KCNQ5: variants seen among roughly 807,000 people sequenced by gnomAD.
KCNQ5 encodes potassium voltage-gated channel subfamily KQT member 5.
Under a neutral mutation model 98.2 loss-of-function variants are expected in KCNQ5, and 30 were observed. That is an observed-to-expected ratio of 0.31 (90% CI 0.23 to 0.41). The LOEUF is 0.41. Ranked by LOEUF, KCNQ5 falls within the 10% of genes least tolerant of loss-of-function variation. The pLI is 1.00. For missense variants in KCNQ5, 835 were observed against 1,182.5 expected, an observed-to-expected ratio of 0.71 and a Z score of 4.31; for synonymous variants, 458 against 449.4, an observed-to-expected ratio of 1.02 and a Z score of -0.24.
chr6:73,082,848 T>C (rs1431420176), intron 5 of KCNQ5, among the ~76,000 whole-genome samples: 1 of 152,052 alleles, frequency 6.6e-6, no homozygotes, highest in Non-Finnish European at 1.5e-5. Context: ...TGAACATTGT[T>C]TGAATGCTTG....
In KCNQ5 at chr6:73,182,003, G is replaced by A. The variant is rs572835080; in HGVS notation, c.1578-8570G>A. On this transcript the variant is annotated intron_variant, in intron 11 of 13. Coordinates refer to ENST00000370398, the MANE Select transcript of KCNQ5 (RefSeq NM_019842.4). ...TTGCCCAGAAATTCCTTTCTAGTAG[G>A]AAATACACAAGTCATATCAAACTTC... 2.6e-5 allele frequency among the ~76,000 whole-genome samples: 4 copies of A among 152,220 alleles called. No individual in the cohort carries two copies. In the South Asian group the frequency reaches 8.3e-4, roughly 32 times the overall value.
chr6:73,195,280 G>C lies in KCNQ5; in HGVS notation c.2665G>C (p.Ala889Pro). 2 of 1,614,170 alleles carry C rather than the reference G, an allele frequency of 1.2e-6. No homozygotes were observed. The highest frequency in any genetic ancestry group is 1.7e-6 in the Non-Finnish European group (2 of 1,180,036). The change falls in exon 14 of 14, where the codon GCA (alanine) becomes CCA (proline). Residue 889 changes from alanine to proline, a missense_variant. Physicochemically the swap from Ala to Pro is conservative, Grantham distance 27 (BLOSUM62 -1). Transcript: ENST00000370398. Reference protein sequence around the residue: ...EETETDTFDAAPQPAREAAFA... With the variant: ...EETETDTFDAPPQPAREAAFA... ...GACAGAGACAGACACTTTTGATGCC[G>C]CACCGCAGCCTGCCAGGGAAGCTGC...
intron 1 of KCNQ5, among the ~76,000 whole-genome samples, chr6:72,841,726 C>T (rs563621164): frequency 2.0e-4 from 31 of 151,946 alleles, no homozygotes; most frequent in Admixed American, 4.6e-4. Flanking sequence ...TGAAAATGTT[C>T]TTTCTCTCAT....
chr6:72,980,600 A>G (rs1582130520), intron 1 of KCNQ5, among the ~76,000 whole-genome samples: 1 of 152,234 alleles, frequency 6.6e-6, no homozygotes, highest in East Asian at 1.9e-4. Flanking sequence ...TTCTAAATAT[A>G]CAATCATGTC....
chr6:72,854,245 G>A (rs1582414627), intron 1 of KCNQ5, among the ~76,000 whole-genome samples: 1 of 147,872 alleles, frequency 6.8e-6, no homozygotes, highest in East Asian at 2.0e-4. Context: ...GAAAAGGGGG[G>A]AAATAGATGT....
intron 1 of KCNQ5, among the ~76,000 whole-genome samples, chr6:72,849,396 A>T (rs144178788): frequency 2.2e-4 from 34 of 152,296 alleles, no homozygotes; most frequent in African/African-American, 8.2e-4. Context: ...ACTAATTTAC[A>T]TTCCCACCAA....
chr6:72,747,871 T>A (rs1771484673), intron 1 of KCNQ5, among the ~76,000 whole-genome samples: 1 of 152,154 alleles, frequency 6.6e-6, no homozygotes, highest in Non-Finnish European at 1.5e-5. Flanking sequence ...ACTAGGTTTA[T>A]AAATAAAGAA....
At chr6:72,829,648 T>C (rs1361196599) in intron 1 of KCNQ5, among the ~76,000 whole-genome samples, 9 of 152,196 alleles carry the variant, frequency 5.9e-5, no homozygotes, top group African/African-American at 2.2e-4. Flanking sequence ...TTGCCACATG[T>C]ATTATTTGGA....
intron 10 of KCNQ5, chr6:73,158,020 T>G: frequency 1.4e-6 from 1 of 714,348 alleles, no homozygotes; most frequent in Admixed American, 1.8e-5. Context: ...CTGGGTTTAA[T>G]GTCCATGGGG....
intron 5 of KCNQ5, among the ~76,000 whole-genome samples, chr6:73,101,844 G>C (rs537323665): frequency 6.6e-6 from 1 of 152,134 alleles, no homozygotes; most frequent in East Asian, 1.9e-4. Flanking sequence ...TACAAATTCA[G>C]AGCAATTCCT....
intron 5 of KCNQ5, among the ~76,000 whole-genome samples, chr6:73,084,588 G>A (rs1773907439): frequency 2.0e-5 from 3 of 152,186 alleles, no homozygotes; most frequent in Admixed American, 2.0e-4. Context: ...GGATGCTGCT[G>A]GGTTCTTGAA....
intron 1 of KCNQ5, among the ~76,000 whole-genome samples, chr6:72,756,315 T>A (rs935492562): frequency 2.6e-5 from 4 of 152,190 alleles, no homozygotes; most frequent in African/African-American, 9.6e-5. Context: ...CTTTTGGTCA[T>A]TGTTAGCAGG....
At chr6:72,934,593 C>T (rs746737694) in intron 1 of KCNQ5, among the ~76,000 whole-genome samples, 4 of 152,220 alleles carry the variant, frequency 2.6e-5, no homozygotes, top group Non-Finnish European at 5.9e-5. Flanking sequence ...GCTGTTATAT[C>T]AGAAGTGCTT....
intron 1 of KCNQ5, among the ~76,000 whole-genome samples, chr6:72,954,337 G>A (rs1295950018): frequency 6.6e-6 from 1 of 152,190 alleles, no homozygotes; most frequent in Non-Finnish European, 1.5e-5. Flanking sequence ...CAGAGGCTTG[G>A]TAGGGGTGAA....
At chr6:72,988,894 G>C (rs1768964466) in intron 1 of KCNQ5, among the ~76,000 whole-genome samples, 1 of 81,718 alleles carries the variant, frequency 1.2e-5, no homozygotes, top group African/African-American at 4.8e-5. Flanking sequence ...CTATGAGTGA[G>C]AATATGCGTT....
At chr6:73,152,997 G>T (rs1166242760) in intron 10 of KCNQ5, among the ~76,000 whole-genome samples, 3 of 152,164 alleles carry the variant, frequency 2.0e-5, no homozygotes, top group African/African-American at 7.2e-5. Flanking sequence ...GGATGAAGGG[G>T]TGAACTCTCA....
intron 1 of KCNQ5, among the ~76,000 whole-genome samples, chr6:72,929,212 T>C (rs1447168744): frequency 6.6e-6 from 1 of 152,158 alleles, no homozygotes; most frequent in Non-Finnish European, 1.5e-5. Context: ...AGATCCCTTT[T>C]ATATTTGTAG....
chr6:72,829,266 T>C (rs2150121823), intron 1 of KCNQ5, among the ~76,000 whole-genome samples: 1 of 152,316 alleles, frequency 6.6e-6, no homozygotes, highest in African/African-American at 2.4e-5. Context: ...TCTTGAAATC[T>C]GGAAAACCTC....
intron 1 of KCNQ5, among the ~76,000 whole-genome samples, chr6:72,667,837 G>T (rs1460985315): frequency 3.3e-5 from 5 of 152,144 alleles, no homozygotes; most frequent in Admixed American, 1.3e-4. Flanking sequence ...AATATCAGAT[G>T]AGTGCAAGCT....
Sources: allele counts gnomAD v4.1 joint callset (sites outside exome capture counted in the v4.1 genomes callset), GRCh38; gene constraint gnomAD v4.1.1; transcripts MANE v1.5; gene names NCBI Gene and HGNC (gene_info 2026-07-23, HGNC 2026-07-21).